ABTB3: variants seen among roughly 807,000 people sequenced by gnomAD.
The protein encoded by ABTB3 is ankyrin repeat- and BTB/POZ domain-containing protein 3.
chr12:107,528,167 G>C, the ABTB3 span, among the ~76,000 whole-genome samples: 2 of 152,158 alleles, frequency 1.3e-5, no homozygotes, highest in Non-Finnish European at 2.9e-5. Flanking sequence ...TGGCATGCAG[G>C]AACAGTGGTT....
the ABTB3 span, among the ~76,000 whole-genome samples, chr12:107,553,989 C>CAGAA: frequency 6.6e-6 from 1 of 152,040 alleles, no homozygotes; most frequent in Non-Finnish European, 1.5e-5. Flanking sequence ...GGATGCTGAG[C>CAGAA]AGGGAGGTAA....
chr12:107,468,869 G>A, the ABTB3 span, among the ~76,000 whole-genome samples: 1 of 152,148 alleles, frequency 6.6e-6, no homozygotes, highest in African/African-American at 2.4e-5. Flanking sequence ...CAGCAGACAC[G>A]AGCAGGGTGG....
the ABTB3 span, chr12:107,642,306 C>A: frequency 1.4e-6 from 1 of 732,708 alleles, no homozygotes; most frequent in Admixed American, 2.4e-5. Flanking sequence ...ACTCCCGGCC[C>A]CTCCTCACAG....
chr12:107,652,919 A>T, the ABTB3 span, among the ~76,000 whole-genome samples: 4 of 152,044 alleles, frequency 2.6e-5, no homozygotes, highest in South Asian at 4.1e-4. Flanking sequence ...ATTTATTTTT[A>T]TTTATTTTTG....
chr12:107,638,876 C>T, the ABTB3 span, among the ~76,000 whole-genome samples: 2 of 152,216 alleles, frequency 1.3e-5, no homozygotes, highest in Non-Finnish European at 2.9e-5. Flanking sequence ...TCAGAGCCCA[C>T]ACTCTTACTA....
chr12:107,643,767 TTTTG>T, the ABTB3 span, among the ~76,000 whole-genome samples: 2 of 142,314 alleles, frequency 1.4e-5, no homozygotes, highest in African/African-American at 5.5e-5. Context: ...TTTTTTTTTT[TTTTG>T]TTGAGAGAGA....
the ABTB3 span, among the ~76,000 whole-genome samples, chr12:107,386,213 T>C: frequency 0.21 from 31,505 of 152,190 alleles, 3,497 homozygotes; most frequent in East Asian, 0.27. Context: ...CAATCAATCA[T>C]CCTACCTGCC....
the ABTB3 span, among the ~76,000 whole-genome samples, chr12:107,558,927 G>A: frequency 1.1e-4 from 15 of 140,980 alleles, no homozygotes; most frequent in South Asian, 2.2e-4. Flanking sequence ...CAGAGCCTGC[G>A]TCCTCTTGCC....
the ABTB3 span, among the ~76,000 whole-genome samples, chr12:107,538,509 A>G: frequency 6.6e-6 from 1 of 152,188 alleles, no homozygotes; most frequent in East Asian, 1.9e-4. Context: ...CCAACTTTTC[A>G]TAGCTTTCAG....
At chr12:107,330,497 C>T in the ABTB3 span, among the ~76,000 whole-genome samples, 1 of 152,228 alleles carries the variant, frequency 6.6e-6, no homozygotes, top group Admixed American at 6.5e-5. Flanking sequence ...TGAGGGACTT[C>T]AAATTTGACC....
chr12:107,467,876 C>T, the ABTB3 span, among the ~76,000 whole-genome samples: 1 of 152,286 alleles, frequency 6.6e-6, no homozygotes, highest in Non-Finnish European at 1.5e-5. Context: ...ACAACAGAGG[C>T]TTGCCTGGCT....
chr12:107,346,935 C>T, the ABTB3 span, among the ~76,000 whole-genome samples: 2 of 152,204 alleles, frequency 1.3e-5, no homozygotes, highest in African/African-American at 4.8e-5. Context: ...TAGTATTAGG[C>T]ACAAAACTGG....
chr12:107,589,233 T>C, the ABTB3 span, among the ~76,000 whole-genome samples: 4 of 152,240 alleles, frequency 2.6e-5, no homozygotes, highest in Admixed American at 6.5e-5. Context: ...TTCTTTCTGG[T>C]TGCCAAAAAC....
chr12:107,404,671 G>A, the ABTB3 span, among the ~76,000 whole-genome samples: 9 of 152,220 alleles, frequency 5.9e-5, no homozygotes, highest in South Asian at 2.1e-4. Context: ...GTTTTCTACC[G>A]GTTTGGGGAG....
the ABTB3 span, among the ~76,000 whole-genome samples, chr12:107,561,391 C>G: frequency 6.6e-6 from 1 of 152,178 alleles, no homozygotes; most frequent in Non-Finnish European, 1.5e-5. Context: ...CCACAAGGCA[C>G]TTTTCATGGT....
chr12:107,640,358 G>A, the ABTB3 span: 4 of 1,597,200 alleles, frequency 2.5e-6, no homozygotes, highest in African/African-American at 4.0e-5. Flanking sequence ...TACATTTCTG[G>A]TAGAAGGAAG....
the ABTB3 span, among the ~76,000 whole-genome samples, chr12:107,478,942 C>T: frequency 6.6e-6 from 1 of 152,160 alleles, no homozygotes; most frequent in Non-Finnish European, 1.5e-5. Flanking sequence ...AACTGTGGAA[C>T]TAATAGGGGC....
the ABTB3 span, among the ~76,000 whole-genome samples, chr12:107,630,609 A>T: frequency 4.9e-5 from 7 of 142,410 alleles, no homozygotes; most frequent in African/African-American, 1.8e-4. Flanking sequence ...ATGCCCAATT[A>T]AAAAAAAAAA....
chr12:107,343,207 G>T, the ABTB3 span, among the ~76,000 whole-genome samples: 1 of 151,944 alleles, frequency 6.6e-6, no homozygotes, highest in African/African-American at 2.4e-5. Flanking sequence ...TAGAAATAGG[G>T]TCTCCCTATG....
Sources: allele counts gnomAD v4.1 joint callset (sites outside exome capture counted in the v4.1 genomes callset), GRCh38; gene constraint gnomAD v4.1.1; transcripts MANE v1.5; gene names NCBI Gene and HGNC (gene_info 2026-07-23, HGNC 2026-07-21).